Variants in TDRD3 observed in about 807,000 individuals in gnomAD.
TDRD3 encodes the protein tudor domain containing 3.
In TDRD3, 45 loss-of-function variants were observed where a neutral mutation model predicts 86.7. That is an observed-to-expected ratio of 0.52 (90% CI 0.41 to 0.67). The LOEUF is 0.67. Ranked by LOEUF, TDRD3 falls within the 30% of genes least tolerant of loss-of-function variation. The probability of loss-of-function intolerance (pLI) is 0.00; values close to 1 mark genes in which losing one functional copy is unlikely to be tolerated. For missense variants in TDRD3, 814 were observed against 889.0 expected, an observed-to-expected ratio of 0.92 and a Z score of 1.07; for synonymous variants, 298 against 301.7, an observed-to-expected ratio of 0.99 and a Z score of 0.13.
chr13:60,431,988 G>A (rs530936585), intron 1 of TDRD3, among the ~76,000 whole-genome samples: 1 of 152,082 alleles, frequency 6.6e-6, no homozygotes, highest in African/African-American at 2.4e-5. Flanking sequence ...TGGTTTAATT[G>A]TTGGAATACA....
At chr13:60,438,585 C>T (rs184845633) in intron 1 of TDRD3, among the ~76,000 whole-genome samples, 2 of 152,242 alleles carry the variant, frequency 1.3e-5, no homozygotes, top group East Asian at 3.9e-4. Flanking sequence ...TTCTATTGCT[C>T]TTCTGTACTG....
chr13:60,469,913 T>C (rs1211150505), intron 5 of TDRD3, among the ~76,000 whole-genome samples: 2 of 152,190 alleles, frequency 1.3e-5, no homozygotes, highest in Non-Finnish European at 2.9e-5. Flanking sequence ...ATTTTAACCA[T>C]TTTTTAAATG....
intron 10 of TDRD3, among the ~76,000 whole-genome samples, chr13:60,520,494 A>ACCTAAACCCCATTTCTCCACAGACGT (rs1957265372): frequency 6.6e-6 from 1 of 152,142 alleles, no homozygotes; most frequent in Admixed American, 6.5e-5. Flanking sequence ...ATTAGGGCTC[A>ACCTAAACCCCATTTCTCCACAGACGT]CCTAAACCCC....
chr13:60,503,272 C>T (rs964016982), intron 8 of TDRD3, among the ~76,000 whole-genome samples: 1 of 152,054 alleles, frequency 6.6e-6, no homozygotes, highest in African/African-American at 2.4e-5. Context: ...TTGAGAGCAC[C>T]TGTTAAAGTT....
chr13:60,550,129 T>C (rs1330741086), intron 12 of TDRD3, among the ~76,000 whole-genome samples: 2 of 151,994 alleles, frequency 1.3e-5, no homozygotes, highest in Non-Finnish European at 2.9e-5. Flanking sequence ...CTTAGAAAGA[T>C]AGTCTGTTTC....
intron 12 of TDRD3, among the ~76,000 whole-genome samples, chr13:60,550,379 A>G (rs1958020792): frequency 6.6e-6 from 1 of 152,102 alleles, no homozygotes; most frequent in East Asian, 1.9e-4. Context: ...TGGTGTGAAA[A>G]TATTTGTATT....
intron 12 of TDRD3, among the ~76,000 whole-genome samples, chr13:60,561,278 G>T (rs1345370470): frequency 6.6e-6 from 1 of 152,132 alleles, no homozygotes; most frequent in African/African-American, 2.4e-5. Context: ...CTCTGTGATA[G>T]AAGGCAAAGG....
chr13:60,443,544 T>C (rs1955331245), intron 2 of TDRD3, among the ~76,000 whole-genome samples: 1 of 151,992 alleles, frequency 6.6e-6, no homozygotes, highest in Admixed American at 6.6e-5. Context: ...ATACAACTTA[T>C]ATTCTCATTT....
At chr13:60,480,988 G>T (rs941059658) in intron 5 of TDRD3, among the ~76,000 whole-genome samples, 1 of 152,072 alleles carries the variant, frequency 6.6e-6, no homozygotes, top group African/African-American at 2.4e-5. Flanking sequence ...CAGGAGGGGG[G>T]CATTCTAATA....
At chr13:60,553,460 CAG>C (rs1958112598) in intron 12 of TDRD3, among the ~76,000 whole-genome samples, 1 of 151,864 alleles carries the variant, frequency 6.6e-6, no homozygotes, top group African/African-American at 2.4e-5. Flanking sequence ...ATCTTTTTAG[CAG>C]TACCCCACTC....
intron 10 of TDRD3, among the ~76,000 whole-genome samples, chr13:60,524,877 T>C (rs1277077358): frequency 6.6e-6 from 1 of 151,360 alleles, no homozygotes; most frequent in African/African-American, 2.4e-5. Flanking sequence ...GGCGGGTAGA[T>C]CATGAGGTCA....
intron 12 of TDRD3, among the ~76,000 whole-genome samples, chr13:60,541,363 C>T (rs954764348): frequency 7.2e-5 from 11 of 152,026 alleles, no homozygotes; most frequent in African/African-American, 2.7e-4. Flanking sequence ...AACAGGGTTT[C>T]ACCATGTTGG....
chr13:60,538,383 A>ATTTTTTTTTTT (rs34945980), intron 12 of TDRD3, among the ~76,000 whole-genome samples: 1 of 138,668 alleles, frequency 7.2e-6, no homozygotes, highest in Non-Finnish European at 1.6e-5. Flanking sequence ...TTTCACCTGT[A>ATTTTTTTTTTT]TTTTTTTTTT....
At chr13:60,482,291 A>G (rs1197267586) in intron 5 of TDRD3, among the ~76,000 whole-genome samples, 1 of 152,122 alleles carries the variant, frequency 6.6e-6, no homozygotes, top group East Asian at 1.9e-4. Context: ...CTCTGTTTGC[A>G]TCATGGCTAC....
At position 60,528,469 on chromosome 13, in the gene TDRD3, G is replaced by A. The variant is rs140988326; in HGVS notation, c.1244G>A (p.Arg415Gln). 1.1e-4 allele frequency: 182 copies of A among 1,613,786 alleles called. No individual in the cohort carries two copies. Among genetic ancestry groups the A allele is most frequent in the Non-Finnish European group, 1.5e-4 (177 of 1,179,914 alleles). The change falls in exon 11 of 14, where the codon CGA (arginine) becomes CAA (glutamine). Residue 415 changes from arginine (R) to glutamine (Q), a missense_variant. By Grantham distance (43) the Arg-to-Gln change is conservative (BLOSUM62 1). Coordinates refer to ENST00000377881, the MANE Select transcript of TDRD3 (RefSeq NM_001146070.2). ...KDNNHLRHPP[R>Q]NDTRQPRNEK... ...AATAATCATCTGAGACATCCTCCTC[G>A]AAATGATACCAGGCAGCCAAGAAAT...
intron 7 of TDRD3, among the ~76,000 whole-genome samples, chr13:60,488,996 C>T (rs1161805932): frequency 6.6e-6 from 1 of 152,118 alleles, no homozygotes; most frequent in Non-Finnish European, 1.5e-5. Flanking sequence ...TTCCTTCATT[C>T]TGTAGGTTGT....
chr13:60,555,355 A>C (rs1372481104), intron 12 of TDRD3, among the ~76,000 whole-genome samples: 1 of 152,236 alleles, frequency 6.6e-6, no homozygotes, highest in Admixed American at 6.5e-5. Flanking sequence ...TGGAATGCTT[A>C]TTGTGTGCTT....
chr13:60,513,731 T>C (rs1219627283), intron 10 of TDRD3, among the ~76,000 whole-genome samples: 1 of 152,198 alleles, frequency 6.6e-6, no homozygotes, highest in Non-Finnish European at 1.5e-5. Flanking sequence ...ACAAGCTCTC[T>C]CTTGGCCTGC....
intron 13 of TDRD3, among the ~76,000 whole-genome samples, chr13:60,568,433 C>T (rs925282453): frequency 1.3e-5 from 2 of 152,148 alleles, no homozygotes; most frequent in Non-Finnish European, 2.9e-5. Flanking sequence ...ACTGGTTTGT[C>T]ATTTAGTGCC....
Sources: gnomAD v4.1 joint callset for allele counts (sites outside exome capture counted in the v4.1 genomes callset) on GRCh38, gnomAD v4.1.1 for gene constraint, MANE v1.5 for transcripts, NCBI Gene and HGNC (gene_info 2026-07-23, HGNC 2026-07-21) for gene names.